MUC13: variants seen among roughly 807,000 people sequenced by gnomAD.
MUC13 encodes mucin 13, cell surface associated.
Under a neutral mutation model 48.3 loss-of-function variants are expected in MUC13, and 32 were observed. That is an observed-to-expected ratio of 0.66 (90% CI 0.50 to 0.89). MUC13 has a LOEUF of 0.89. Ranked by LOEUF, MUC13 falls within the 40% of genes least tolerant of loss-of-function variation. MUC13 has a pLI of 0.00. For missense variants in MUC13, 571 were observed against 622.8 expected, an observed-to-expected ratio of 0.92 and a Z score of 0.88; for synonymous variants, 199 against 224.9, an observed-to-expected ratio of 0.88 and a Z score of 1.03.
intron 6 of MUC13, among the ~76,000 whole-genome samples, chr3:124,914,449 G>A (rs1030729436): frequency 6.6e-6 from 1 of 151,994 alleles, no homozygotes; most frequent in Non-Finnish European, 1.5e-5. Context: ...AGAATGGAGT[G>A]GGGGAGAGAA....
At chr3:124,919,495 A>G (rs1426405270) in intron 5 of MUC13, among the ~76,000 whole-genome samples, 1 of 151,852 alleles carries the variant, frequency 6.6e-6, no homozygotes, top group Non-Finnish European at 1.5e-5. Flanking sequence ...TGGCCTTCAC[A>G]AAGGATTTGA....
chr3:124,923,281 T>C (rs903413183), intron 3 of MUC13, among the ~76,000 whole-genome samples: 2 of 152,184 alleles, frequency 1.3e-5, no homozygotes, highest in East Asian at 3.8e-4. Context: ...CAAACAAATC[T>C]TGTGACACAG....
chr3:124,928,511 T>C (rs1344717595), intron 1 of MUC13, among the ~76,000 whole-genome samples: 3 of 152,116 alleles, frequency 2.0e-5, no homozygotes, highest in African/African-American at 7.2e-5. Flanking sequence ...CCCAAATAGC[T>C]AGGACTACAG....
At chr3:124,909,156 A>G (rs1935374379) in intron 10 of MUC13, among the ~76,000 whole-genome samples, 1 of 152,028 alleles carries the variant, frequency 6.6e-6, no homozygotes, top group Middle Eastern at 3.4e-3. Flanking sequence ...TCTGTCTCAA[A>G]AAAAAAAAGA....
At chr3:124,917,003 T>C (rs1310409883) in intron 5 of MUC13, among the ~76,000 whole-genome samples, 2 of 151,912 alleles carry the variant, frequency 1.3e-5, no homozygotes, top group Non-Finnish European at 2.9e-5. Flanking sequence ...AGTGGGAACA[T>C]GATTGGGCCT....
At chr3:124,920,151 T>G in intron 5 of MUC13, 83 bp downstream of exon 5, 2 of 1,180,482 alleles carry the variant, frequency 1.7e-6, no homozygotes, top group South Asian at 2.6e-5. Flanking sequence ...CAGAGGGCCT[T>G]AATGTTACAT....
intron 5 of MUC13, 182 bp downstream of exon 5, chr3:124,920,052 G>A (rs1025538530): frequency 1.5e-6 from 1 of 655,712 alleles, no homozygotes; most frequent in Admixed American, 3.2e-5. Context: ...CAGAGTTGGG[G>A]TGACATCAGA....
chr3:124,929,328 A>G (rs1262597111), intron 1 of MUC13, among the ~76,000 whole-genome samples: 4 of 152,126 alleles, frequency 2.6e-5, no homozygotes, highest in African/African-American at 9.7e-5. Context: ...GGTGTAAGCC[A>G]CCTTGCCTGG....
intron 6 of MUC13, among the ~76,000 whole-genome samples, 176 bp from the exon 7 acceptor site, chr3:124,913,857 G>A (rs41265733): frequency 0.038 from 5,826 of 152,172 alleles, 153 homozygotes; most frequent in South Asian, 0.067. Flanking sequence ...CAGGAGTATC[G>A]TTTGAGCCTA....
At chr3:124,928,799 A>G (rs1935739447) in intron 1 of MUC13, among the ~76,000 whole-genome samples, 1 of 152,238 alleles carries the variant, frequency 6.6e-6, no homozygotes. Flanking sequence ...GACAATTGAG[A>G]ATGCCACAAG....
intron 5 of MUC13, among the ~76,000 whole-genome samples, chr3:124,918,663 A>G (rs927372286): frequency 1.3e-5 from 2 of 152,218 alleles, no homozygotes; most frequent in African/African-American, 4.8e-5. Flanking sequence ...CTGCCTGGTC[A>G]CTCAGGGACA....
At chr3:124,926,637 C>A (rs951117651) in intron 2 of MUC13, among the ~76,000 whole-genome samples, 1 of 152,306 alleles carries the variant, frequency 6.6e-6, no homozygotes, top group East Asian at 1.9e-4. Context: ...ATGGCCCTCA[C>A]TGGGTCCCAG....
At chr3:124,913,508 A>G in intron 7 of MUC13, 54 bp downstream of exon 7, 2 of 1,610,614 alleles carry the variant, frequency 1.2e-6, no homozygotes, top group East Asian at 2.2e-5. Context: ...TTATGTTGCA[A>G]AAGAAGAGAA....
At chr3:124,907,847 G>A (rs1007737319) in intron 11 of MUC13, among the ~76,000 whole-genome samples, 1 of 152,158 alleles carries the variant, frequency 6.6e-6, no homozygotes, top group African/African-American at 2.4e-5. Context: ...CTCTGGAGTC[G>A]TATTCATGGA....
chr3:124,913,469 T>G, intron 7 of MUC13, 93 bp downstream of exon 7: 1 of 1,585,502 alleles, frequency 6.3e-7, no homozygotes, highest in South Asian at 1.1e-5. Context: ...GACTCTGAAA[T>G]GCATGTGGAA....
intron 1 of MUC13, 138 bp downstream of exon 1, chr3:124,934,523 G>A (rs1426080037): frequency 1.3e-5 from 8 of 623,352 alleles, no homozygotes; most frequent in Non-Finnish European, 2.1e-5. Context: ...GTGTCTTTGA[G>A]CTGAGCTGGA....
rs778637996 is a variant in MUC13 at position 124,913,587 on chromosome 3, A to C, written c.1059T>G (p.Pro353=). 1.9e-6 allele frequency: 3 copies of C among 1,614,258 alleles called. No homozygotes were observed. In the South Asian group the frequency reaches 3.3e-5, roughly 18 times the overall value. The part of the protein sequence containing the change: ...ACDCKSDLQR[P]NPQSPFCVAS... ...CAACGCAGAAAGGGCTCTGTGGGTT[A>C]GGCCTTTGCAGGTCAGATTTGCAAT... Residue 353 remains proline, a synonymous_variant, in exon 7 of 12, where the codon CCT becomes CCG. Transcript: ENST00000616727.
Position 124,913,338 on chromosome 3 carries a change from T to G in MUC13, c.1085-98A>C, listed in dbSNP as rs1490072108. 4.6e-6 allele frequency: 7 copies of G among 1,525,756 alleles called. No homozygotes were observed. The East Asian group carries it at 1.6e-4, about 35-fold the overall frequency. The allele number at this position is 1,525,756 out of a possible 1,614,324, so 94.5% of individuals were successfully genotyped here. The stretch of plus-strand genomic sequence containing the variant: ...TGACAGTGTCTTTCACATTGCTTTT[T>G]CTAGGTAAAATGAGATGCTTATTGA... On this transcript the variant is annotated intron_variant, in intron 7 of 11. Coordinates refer to ENST00000616727, the MANE Select transcript of MUC13 (RefSeq NM_033049.4).
At chr3:124,908,750 T>C (rs1194151971) in intron 10 of MUC13, among the ~76,000 whole-genome samples, 1 of 152,240 alleles carries the variant, frequency 6.6e-6, no homozygotes, top group African/African-American at 2.4e-5. Flanking sequence ...CTGGCCTCAT[T>C]CATATTTTGC....
Sources: gnomAD v4.1 joint callset for allele counts (sites outside exome capture counted in the v4.1 genomes callset) on GRCh38, gnomAD v4.1.1 for gene constraint, MANE v1.5 for transcripts, NCBI Gene and HGNC (gene_info 2026-07-23, HGNC 2026-07-21) for gene names.